PTPRN2: variants seen among roughly 807,000 people sequenced by gnomAD.
The protein encoded by PTPRN2 is receptor-type tyrosine-protein phosphatase N2.
Under a neutral mutation model 118.8 loss-of-function variants are expected in PTPRN2, and 74 were observed. The observed-to-expected ratio is 0.62, with a 90% CI of 0.52 to 0.76. The LOEUF is 0.76. Among genes scored for constraint, PTPRN2 ranks in the 30% least tolerant of loss-of-function variants. The pLI is 0.00. For missense variants in PTPRN2, 1,481 were observed against 1,394.4 expected (o/e 1.06, Z -0.99); for synonymous variants, 641 against 608.0 (o/e 1.05, Z -0.80).
At chr7:158,125,706 G>A (rs1289277658) in intron 9 of PTPRN2, among the ~76,000 whole-genome samples, 1 of 152,206 alleles carries the variant, frequency 6.6e-6, no homozygotes, top group African/African-American at 2.4e-5. Flanking sequence ...CTCTACAGAG[G>A]TGAGGACTGC....
intron 11 of PTPRN2, among the ~76,000 whole-genome samples, chr7:158,064,759 C>T (rs1418648834): frequency 6.6e-6 from 1 of 152,120 alleles, no homozygotes; most frequent in East Asian, 1.9e-4. Context: ...GAAAGGGTCA[C>T]CCTCCCCGCA....
chr7:157,608,394 G>A (rs901150721), intron 15 of PTPRN2, among the ~76,000 whole-genome samples: 3 of 152,052 alleles, frequency 2.0e-5, no homozygotes, highest in Non-Finnish European at 4.4e-5. Context: ...TTGTAATATG[G>A]GGTCATTTGG....
intron 15 of PTPRN2, among the ~76,000 whole-genome samples, chr7:157,620,218 G>A (rs1394668205): frequency 6.6e-6 from 1 of 152,172 alleles, no homozygotes; most frequent in Non-Finnish European, 1.5e-5. Flanking sequence ...ACCAATCAAA[G>A]TGTGGAACCT....
chr7:158,547,945 C>T lies in PTPRN2; in HGVS notation c.112+39613G>A, dbSNP rs151330849. ...CCAGGGAAGCTGTGACTCCCAGGCACGACCTTGCCCATGGGGGTCACCCAC... is the reference window on the plus strand; with the variant it reads ...CCAGGGAAGCTGTGACTCCCAGGCATGACCTTGCCCATGGGGGTCACCCAC... On this transcript the variant is annotated intron_variant, in intron 1 of 22. Transcript: ENST00000389418. Among the ~76,000 whole-genome samples, 191 of 152,338 alleles carry T rather than the reference C, an allele frequency of 1.3e-3. 4 individuals carry two copies. In the East Asian group the frequency reaches 0.03, roughly 24 times the overall value.
chr7:157,975,348 CCT>C (rs1353883792), intron 11 of PTPRN2, among the ~76,000 whole-genome samples: 1 of 152,206 alleles, frequency 6.6e-6, no homozygotes, highest in Non-Finnish European at 1.5e-5. Flanking sequence ...GATGCCAGCC[CCT>C]GTCTCCTCAT....
chr7:158,320,175 AC>A (rs1802881590), intron 2 of PTPRN2, among the ~76,000 whole-genome samples: 2 of 139,016 alleles, frequency 1.4e-5, no homozygotes, highest in Admixed American at 6.9e-5. Flanking sequence ...CCTCGTACAC[AC>A]ACAGCCTCCC....
At chr7:158,385,713 G>A (rs58134544) in intron 2 of PTPRN2, among the ~76,000 whole-genome samples, 13,378 of 152,178 alleles carry the variant, frequency 0.088, 1,990 homozygotes, top group African/African-American at 0.31. Flanking sequence ...GATGAGCTAC[G>A]TGATACCAGA....
chr7:157,574,440 A>T (rs371012034), intron 19 of PTPRN2: 3 of 530,998 alleles, frequency 5.6e-6, no homozygotes, highest in Non-Finnish European at 7.8e-6. Flanking sequence ...TGGCAAGGTA[A>T]GGGTTTGTCC....
chr7:158,221,312 G>T lies in PTPRN2; in HGVS notation c.278-16039C>A, dbSNP rs535233316. Among the ~76,000 whole-genome samples, 8 of 149,660 alleles carry T rather than the reference G, an allele frequency of 5.3e-5. No individual in the cohort carries two copies. The South Asian group carries it at 1.7e-3, about 33-fold the overall frequency. The stretch of plus-strand genomic sequence containing the variant: ...CACTCTGGACACAGGCCTTAGCAAA[G>T]ATTTAATGATGACATCTCCAAAAGC... On this transcript the variant is annotated intron_variant, in intron 3 of 22. Coordinates refer to ENST00000389418, the MANE Select transcript of PTPRN2 (RefSeq NM_002847.5).
At chr7:158,213,526 T>C (rs1368050165) in intron 3 of PTPRN2, among the ~76,000 whole-genome samples, 1 of 152,182 alleles carries the variant, frequency 6.6e-6, no homozygotes, top group Non-Finnish European at 1.5e-5. Context: ...ATATATCACT[T>C]AGAGTATAGG....
At chr7:157,541,391 C>A (rs2116934022) in intron 22 of PTPRN2, among the ~76,000 whole-genome samples, 1 of 152,358 alleles carries the variant, frequency 6.6e-6, no homozygotes, top group East Asian at 1.9e-4. Flanking sequence ...GCCACTTGGG[C>A]AGGCACACCT....
intron 9 of PTPRN2, among the ~76,000 whole-genome samples, chr7:158,133,464 CTG>C (rs1402556513): frequency 6.6e-6 from 1 of 152,238 alleles, no homozygotes; most frequent in African/African-American, 2.4e-5. Flanking sequence ...CTCTCCAGCT[CTG>C]GAGCCCAGCT....
chr7:158,319,815 TCACACACACTCAGTCTCCCTCA>T (rs1802774832), intron 2 of PTPRN2, among the ~76,000 whole-genome samples: 2 of 5,830 alleles, frequency 3.4e-4, no homozygotes, highest in Non-Finnish European at 2.9e-4. Flanking sequence ...ACAGCCTCCC[TCACACACACTCAGTCTCCCTCA>T]CACACACACA....
At position 157,671,345 on chromosome 7, in the gene PTPRN2, G is replaced by C. The variant is rs760357643; in HGVS notation, c.2001+11380C>G. Among the ~76,000 whole-genome samples, 4 of 152,210 alleles carry C rather than the reference G, an allele frequency of 2.6e-5. No homozygotes were observed. The highest frequency in any genetic ancestry group is 4.4e-5 in the Non-Finnish European group (3 of 68,048). On this transcript the variant is annotated intron_variant, in intron 13 of 22. Transcript: ENST00000389418. The surrounding 1 kb of genome is among the most constrained non-coding windows in gnomAD (Gnocchi z 4.1). ...ACAATGAGGAAGTCACCCTACACTG[G>C]AGGGATGGTGACGAGACGTCACCGC... is the stretch of plus-strand genomic sequence containing the variant.
rs181267981 is a variant in PTPRN2, at chr7:158,424,304, T to A, written c.163+65431A>T. 1.4e-3 allele frequency among the ~76,000 whole-genome samples: 215 copies of A among 152,274 alleles called. 2 individuals are homozygous for A. Among genetic ancestry groups the A allele is most frequent in the African/African-American group, 4.7e-3 (194 of 41,556 alleles). On this transcript the variant is annotated intron_variant, in intron 2 of 22. Coordinates refer to ENST00000389418, the MANE Select transcript of PTPRN2 (RefSeq NM_002847.5). ...AGAAAAGCAATAATGAAGCAAGGCG[T>A]CGTATCGATTCCCCCAGCTGTAATG...
chr7:157,752,885 G>A (rs80160758), intron 12 of PTPRN2, among the ~76,000 whole-genome samples: 3,492 of 152,352 alleles, frequency 0.023, 73 homozygotes, highest in African/African-American at 0.053. Context: ...CAGCCACGCC[G>A]CCTTTCAGAA....
rs1435322731 is a variant in PTPRN2, at chr7:158,276,416, C to T, written c.277+40403G>A. Among the ~76,000 whole-genome samples, 3 of 101,912 alleles carry T rather than the reference C, an allele frequency of 2.9e-5. 1 individual carries two copies. The highest frequency in any genetic ancestry group is 2.9e-4 in the Admixed American group (3 of 10,326). The allele number at this position is 101,912 out of a possible 152,430, so 66.9% of individuals were successfully genotyped here. On this transcript the variant is annotated intron_variant, in intron 3 of 22. Coordinates refer to ENST00000389418, the MANE Select transcript of PTPRN2 (RefSeq NM_002847.5). ...TGTATCACCCCCCACACCCCGGCCC[C>T]GACAGGCTGTAAGGCAGCACCCCCA...
intron 9 of PTPRN2, among the ~76,000 whole-genome samples, chr7:158,133,052 C>G (rs1428480146): frequency 6.6e-6 from 1 of 152,202 alleles, no homozygotes; most frequent in East Asian, 1.9e-4. Flanking sequence ...TTGCTGGGCC[C>G]GTGATGTCTG....
chr7:158,271,890 G>A (rs1798536957), intron 3 of PTPRN2, among the ~76,000 whole-genome samples: 1 of 151,012 alleles, frequency 6.6e-6, no homozygotes, highest in South Asian at 2.1e-4. Flanking sequence ...CCATGGCCTT[G>A]GGTGAGGATT....
Sources: allele counts gnomAD v4.1 joint callset (sites outside exome capture counted in the v4.1 genomes callset), GRCh38; gene constraint gnomAD v4.1.1; non-coding constraint Gnocchi (gnomAD v3.1); transcripts MANE v1.5; gene names NCBI Gene and HGNC (gene_info 2026-07-23, HGNC 2026-07-21).